Variants in PALM2AKAP2 observed in about 807,000 individuals in gnomAD.
PALM2AKAP2 encodes the protein PALM2-AKAP2 fusion protein.
Under a neutral mutation model 71.5 loss-of-function variants are expected in PALM2AKAP2, and 37 were observed. The observed-to-expected ratio is 0.52, with a 90% CI of 0.40 to 0.68. PALM2AKAP2 has a LOEUF of 0.68. Ranked by LOEUF, PALM2AKAP2 falls within the 30% of genes least tolerant of loss-of-function variation. The probability of loss-of-function intolerance (pLI) is 0.00; values close to 1 mark genes in which losing one functional copy is unlikely to be tolerated. For missense variants in PALM2AKAP2, 1,224 were observed against 1,191.8 expected (o/e 1.03, Z -0.40); for synonymous variants, 468 against 478.8 (o/e 0.98, Z 0.29).
intron 1 of PALM2AKAP2, among the ~76,000 whole-genome samples, chr9:109,654,153 T>G (rs1827263123): frequency 6.6e-6 from 1 of 152,234 alleles, no homozygotes; most frequent in South Asian, 2.1e-4. Flanking sequence ...ATCTAATTGT[T>G]TATGGCCTCA....
intron 1 of PALM2AKAP2, among the ~76,000 whole-genome samples, chr9:109,825,159 T>C (rs57848614): frequency 6.6e-6 from 1 of 152,234 alleles, no homozygotes; most frequent in Non-Finnish European, 1.5e-5. Flanking sequence ...GCTAGCCATA[T>C]GTAGAAAGCT....
intron 2 of PALM2AKAP2, among the ~76,000 whole-genome samples, chr9:109,871,531 A>G (rs1829602484): frequency 6.6e-6 from 1 of 152,220 alleles, no homozygotes; most frequent in Non-Finnish European, 1.5e-5. Flanking sequence ...ATTAAAAAGT[A>G]CAGCAAAATA....
At chr9:109,840,096 G>T (rs145573521) in intron 1 of PALM2AKAP2, among the ~76,000 whole-genome samples, 1 of 152,114 alleles carries the variant, frequency 6.6e-6, no homozygotes, top group East Asian at 1.9e-4. Flanking sequence ...GAGGCATCAC[G>T]CTACCTGACT....
intron 7 of PALM2AKAP2, among the ~76,000 whole-genome samples, chr9:110,035,501 A>T (rs984496772): frequency 9.0e-5 from 12 of 133,150 alleles, no homozygotes; most frequent in South Asian, 2.4e-4. Context: ...TAACATATAT[A>T]TGATATGTTG....
chr9:109,735,476 A>G (rs1432532779), intron 1 of PALM2AKAP2, among the ~76,000 whole-genome samples: 4 of 152,106 alleles, frequency 2.6e-5, no homozygotes, highest in African/African-American at 9.7e-5. Flanking sequence ...CTTGTCCTGC[A>G]GGGAGCTATG....
intron 7 of PALM2AKAP2, among the ~76,000 whole-genome samples, chr9:110,022,563 TA>T (rs1253271552): frequency 8.0e-5 from 12 of 149,888 alleles, no homozygotes; most frequent in South Asian, 2.1e-4. Context: ...TTTTTTTCTT[TA>T]TTTTTATTTT....
chr9:109,821,200 T>G (rs958799006), intron 1 of PALM2AKAP2, among the ~76,000 whole-genome samples: 2 of 152,164 alleles, frequency 1.3e-5, no homozygotes, highest in African/African-American at 4.8e-5. Flanking sequence ...ACTTGATGTC[T>G]CAGTCTGTAG....
At chr9:110,083,175 G>A (rs890041173) in intron 1 of PALM2AKAP2, among the ~76,000 whole-genome samples, 1 of 151,748 alleles carries the variant, frequency 6.6e-6, no homozygotes, top group African/African-American at 2.4e-5. Flanking sequence ...CAAAAACAAT[G>A]ACTTTATATT....
At chr9:109,706,044 G>C (rs188794571) in intron 1 of PALM2AKAP2, among the ~76,000 whole-genome samples, 1 of 152,252 alleles carries the variant, frequency 6.6e-6, no homozygotes, top group Admixed American at 6.5e-5. Flanking sequence ...GATCAAAATC[G>C]TGTAGAAGGG....
chr9:109,997,388 C>T (rs1387791771), intron 6 of PALM2AKAP2, among the ~76,000 whole-genome samples: 2 of 152,118 alleles, frequency 1.3e-5, no homozygotes, highest in African/African-American at 4.8e-5. Context: ...ATAGTACATC[C>T]TCTGGATAGT....
intron 1 of PALM2AKAP2, among the ~76,000 whole-genome samples, chr9:109,732,772 G>C (rs370430086): frequency 1.3e-5 from 2 of 152,200 alleles, no homozygotes; most frequent in Admixed American, 6.5e-5. Context: ...GAAATGGAAA[G>C]GGTAGCAGGG....
chr9:110,047,878 G>A (rs1833628703), upstream of PALM2AKAP2, among the ~76,000 whole-genome samples: 1 of 152,152 alleles, frequency 6.6e-6, no homozygotes, highest in Admixed American at 6.5e-5. Flanking sequence ...GAGGGGATGA[G>A]AGACTGAAAT....
chr9:109,739,738 A>G (rs1188187685), intron 1 of PALM2AKAP2, among the ~76,000 whole-genome samples: 1 of 152,222 alleles, frequency 6.6e-6, no homozygotes, highest in Admixed American at 6.5e-5. Context: ...TGAGGTCTCT[A>G]GTTCTGAGTG....
chr9:109,856,822 G>A (rs1829180903), intron 1 of PALM2AKAP2, among the ~76,000 whole-genome samples: 1 of 152,230 alleles, frequency 6.6e-6, no homozygotes, highest in South Asian at 2.1e-4. Context: ...CAGAAAAGGA[G>A]TGTATGTCTC....
intron 1 of PALM2AKAP2, among the ~76,000 whole-genome samples, chr9:109,680,749 A>G (rs1261777664): frequency 6.6e-6 from 1 of 152,240 alleles, no homozygotes; most frequent in Non-Finnish European, 1.5e-5. Context: ...TAACATATCT[A>G]CAAAAAGCAT....
intron 1 of PALM2AKAP2, among the ~76,000 whole-genome samples, chr9:110,088,760 C>T (rs1834638186): frequency 7.5e-6 from 1 of 133,856 alleles, no homozygotes; most frequent in South Asian, 2.5e-4. Flanking sequence ...CACTCTGTCG[C>T]CCAGGCTGGA....
At chr9:110,015,797 T>G (rs1832970603) in intron 6 of PALM2AKAP2, among the ~76,000 whole-genome samples, 157 bp from the exon 7 acceptor site, 1 of 151,932 alleles carries the variant, frequency 6.6e-6, no homozygotes, top group Non-Finnish European at 1.5e-5. Flanking sequence ...TGAAAGGAAG[T>G]TTTCCTAGCC....
intron 1 of PALM2AKAP2, among the ~76,000 whole-genome samples, chr9:110,067,738 T>C (rs573294789): frequency 1.2e-4 from 18 of 152,330 alleles, no homozygotes; most frequent in African/African-American, 3.8e-4. Flanking sequence ...GAATGAAAAT[T>C]TTCCTGAAAA....
intron 1 of PALM2AKAP2, among the ~76,000 whole-genome samples, chr9:109,817,439 T>C (rs556659473): frequency 6.6e-6 from 1 of 152,220 alleles, no homozygotes; most frequent in Non-Finnish European, 1.5e-5. Flanking sequence ...CAAACCCCTA[T>C]AATTAGAGTT....
Sources: gnomAD v4.1 joint callset for allele counts (sites outside exome capture counted in the v4.1 genomes callset) on GRCh38, gnomAD v4.1.1 for gene constraint, MANE v1.5 for transcripts, NCBI Gene and HGNC (gene_info 2026-07-23, HGNC 2026-07-21) for gene names.